ADAMTS20: variants seen among roughly 807,000 people sequenced by gnomAD.
ADAMTS20 encodes ADAM metallopeptidase with thrombospondin type 1 motif 20.
A neutral mutation model predicts 260.1 loss-of-function variants in ADAMTS20; 225 were observed. The observed-to-expected ratio is 0.87, with a 90% confidence interval of 0.78 to 0.97. The LOEUF is 0.97. ADAMTS20 is among the 50% of genes least tolerant of loss of function. The probability of loss-of-function intolerance (pLI) is 0.00; values close to 1 mark genes in which losing one functional copy is unlikely to be tolerated. For missense variants in ADAMTS20, 2,400 were observed against 2,337.7 expected (o/e 1.03, Z -0.55); for synonymous variants, 802 against 769.5 (o/e 1.04, Z -0.70).
At chr12:43,411,936 C>T (rs1351451411) in intron 28 of ADAMTS20, among the ~76,000 whole-genome samples, 4 of 152,034 alleles carry the variant, frequency 2.6e-5, no homozygotes, top group Admixed American at 2.6e-4. Context: ...CTTAAGGTAC[C>T]TCCTCAATGT....
chr12:43,375,445 G>A lies in ADAMTS20; in HGVS notation c.5380C>T (p.His1794Tyr). The A allele has an allele frequency of 6.2e-7, 1 of 1,613,364 alleles. No homozygotes were observed. Among genetic ancestry groups the A allele is most frequent in the Non-Finnish European group, 8.5e-7 (1 of 1,179,424 alleles). ...RREDCECDNGHLAAGYTVFSK... is the reference protein window; with the variant it reads ...RREDCECDNGYLAAGYTVFSK... ...AAAACAGTGTATCCAGCAGCTAAGT[G>A]TCCATTGTCACATTCACAGTCTTCC... is the stretch of plus-strand genomic sequence containing the variant. The change falls in exon 36 of 39, where the codon CAC becomes TAC. Residue 1794 changes from histidine (H) to tyrosine (Y), a missense_variant. Coordinates refer to ENST00000389420, the MANE Select transcript of ADAMTS20 (RefSeq NM_025003.5).
chr12:43,406,906 T>A (rs190952453), intron 28 of ADAMTS20, among the ~76,000 whole-genome samples: 1 of 152,190 alleles, frequency 6.6e-6, no homozygotes, highest in East Asian at 1.9e-4. Context: ...ATATTAAGAC[T>A]AGAGTGTCAA....
intron 2 of ADAMTS20, among the ~76,000 whole-genome samples, chr12:43,545,412 T>A (rs1943429365): frequency 6.6e-6 from 1 of 152,224 alleles, no homozygotes; most frequent in Non-Finnish European, 1.5e-5. Flanking sequence ...AGTCCTTGAA[T>A]TTTCATATCC....
intron 37 of ADAMTS20, among the ~76,000 whole-genome samples, chr12:43,357,850 T>C (rs947285535): frequency 2.0e-5 from 3 of 152,158 alleles, no homozygotes; most frequent in African/African-American, 7.2e-5. Flanking sequence ...AATACATATA[T>C]AAAACTCTTC....
chr12:43,359,342 C>T (rs1372145785), intron 37 of ADAMTS20, among the ~76,000 whole-genome samples: 1 of 152,138 alleles, frequency 6.6e-6, no homozygotes, highest in Non-Finnish European at 1.5e-5. Flanking sequence ...TAACGTTTCA[C>T]TTCTTGGATT....
intron 2 of ADAMTS20, among the ~76,000 whole-genome samples, chr12:43,536,548 G>A (rs183661633): frequency 1.3e-5 from 2 of 152,332 alleles, no homozygotes; most frequent in African/African-American, 4.8e-5. Context: ...GAGGGTGAGA[G>A]TGGGGAGGCA....
intron 21 of ADAMTS20, 55 bp from the exon 22 acceptor site, chr12:43,431,551 C>G: frequency 6.4e-7 from 1 of 1,568,508 alleles, no homozygotes; most frequent in East Asian, 2.2e-5. Flanking sequence ...ACACAAATGC[C>G]TTAAACTGAT....
In ADAMTS20 at chr12:43,513,038, T is replaced by A. The variant is rs191991604; in HGVS notation, c.614-10633A>T. On this transcript the variant is annotated intron_variant, in intron 3 of 38. Transcript: ENST00000389420. ...AGGTCCTCCTTGCATTGTAGAAGCA[T>A]AGAACTGAGACAAGATTTGGATATA... 7.2e-5 allele frequency among the ~76,000 whole-genome samples: 11 copies of A among 152,286 alleles called. No individual in the cohort carries two copies. In the East Asian group the frequency reaches 1.7e-3, roughly 24 times the overall value.
intron 3 of ADAMTS20, among the ~76,000 whole-genome samples, chr12:43,519,229 A>G (rs535780272): frequency 6.6e-6 from 1 of 152,116 alleles, no homozygotes; most frequent in Non-Finnish European, 1.5e-5. Context: ...TTTGGTCTCT[A>G]AAAATTATGT....
At position 43,466,651 on chromosome 12, in the gene ADAMTS20, C is replaced by T. The variant is rs1390757210; in HGVS notation, c.1367+1G>A. ...CAATTATTTAACATAAATTTACTTA[C>T]TCTAGGAATTCAGTAACATATTTCC... On this transcript the variant is annotated splice_donor_variant, in intron 9 of 38. Transcript: ENST00000389420. LOFTEE classifies it high-confidence loss of function. 2 of 1,603,692 alleles carry T rather than the reference C, an allele frequency of 1.2e-6. No homozygotes were observed. The highest frequency in any genetic ancestry group is 2.7e-5 in the African/African-American group (2 of 74,442).
chr12:43,393,008 C>T (rs899986333), intron 29 of ADAMTS20, among the ~76,000 whole-genome samples: 6 of 151,976 alleles, frequency 3.9e-5, no homozygotes, highest in Non-Finnish European at 8.8e-5. Flanking sequence ...TTTATAAGAA[C>T]CGTTTCATGT....
chr12:43,369,363 G>GA lies in ADAMTS20; in HGVS notation c.5464dup (p.Ser1822PhefsTer29), dbSNP rs780890209. 2 of 1,546,656 alleles carry GA rather than the reference G, an allele frequency of 1.3e-6. No individual in the cohort carries two copies. The highest frequency in any genetic ancestry group is 3.9e-5 in the Admixed American group (2 of 51,018). On this transcript the variant is annotated frameshift_variant, in exon 37 of 39. Transcript: ENST00000389420. LOFTEE classifies it high-confidence loss of function. Reference sequence around the variant, plus strand: ...AACTGCATTTCCAAATATTGTTTTGGAAAAAAGAAGGTCCGTAGCTAGAAA... The same window carrying GA: ...AACTGCATTTCCAAATATTGTTTTGGAAAAAAAGAAGGTCCGTAGCTAGAAA...
chr12:43,424,770 G>A (rs1941298692), intron 28 of ADAMTS20, among the ~76,000 whole-genome samples: 1 of 151,650 alleles, frequency 6.6e-6, no homozygotes, highest in African/African-American at 2.4e-5. Context: ...ATAAAACGGA[G>A]AAAAATATTT....
intron 4 of ADAMTS20, among the ~76,000 whole-genome samples, chr12:43,499,540 G>A (rs1361012957): frequency 6.9e-6 from 1 of 145,538 alleles, no homozygotes; most frequent in Non-Finnish European, 1.5e-5. Context: ...CCAGGCTGCA[G>A]TGCAGTGGCA....
chr12:43,440,150 T>C, intron 16 of ADAMTS20, 81 bp from the exon 17 acceptor site: 1 of 959,728 alleles, frequency 1.0e-6, no homozygotes, highest in Non-Finnish European at 1.5e-6. Context: ...TTTTTTTTTT[T>C]TTTTTTTTTT....
At chr12:43,547,125 T>A (rs1362672895) in intron 2 of ADAMTS20, among the ~76,000 whole-genome samples, 1 of 152,224 alleles carries the variant, frequency 6.6e-6, no homozygotes, top group Non-Finnish European at 1.5e-5. Context: ...AATTCAAAAC[T>A]AACAACTAAA....
intron 16 of ADAMTS20, among the ~76,000 whole-genome samples, chr12:43,440,447 C>T (rs529897604): frequency 4.6e-5 from 7 of 152,212 alleles, no homozygotes; most frequent in Admixed American, 2.0e-4. Flanking sequence ...CGCACCTGGC[C>T]TTGTTTAACT....
intron 7 of ADAMTS20, among the ~76,000 whole-genome samples, chr12:43,470,035 A>C (rs1338486947): frequency 6.6e-6 from 1 of 152,228 alleles, no homozygotes; most frequent in South Asian, 2.1e-4. Context: ...GCAAGGAAAA[A>C]AATTAAAAAG....
rs10880473 is a variant in ADAMTS20, at chr12:43,375,473, T to C, written c.5352A>G (p.Arg1784=). 327,032 of 1,611,726 alleles carry C rather than the reference T, an allele frequency of 0.2. 35,554 individuals are homozygous for C. The highest frequency in any genetic ancestry group is 0.38 in the African/African-American group (28,415 of 74,854). Residue 1784 remains arginine, a synonymous_variant, in exon 36 of 39, where the codon AGA becomes AGG. Coordinates refer to ENST00000389420, the MANE Select transcript of ADAMTS20 (RefSeq NM_025003.5). ...CATTGTCACATTCACAGTCTTCCCT[T>C]CTACTCCCATTAAAAGGACATTGAT... ...NPYQCPFNGS[R]REDCECDNGH...
Sources: allele counts gnomAD v4.1 joint callset (sites outside exome capture counted in the v4.1 genomes callset), GRCh38; gene constraint gnomAD v4.1.1; transcripts MANE v1.5; gene names NCBI Gene and HGNC (gene_info 2026-07-23, HGNC 2026-07-21).